The following SOX5 variants were observed in gnomAD, a reference collection of about 807,000 sequenced individuals.
The protein encoded by SOX5 is SRY-box transcription factor 5, also known as transcription factor SOX-5.
In SOX5, 9 loss-of-function variants were observed where a neutral mutation model predicts 92.0. That is an observed-to-expected ratio of 0.10 (90% CI 0.06 to 0.17). The LOEUF is 0.17. Among genes scored for constraint, SOX5 ranks in the 10% least tolerant of loss-of-function variants. SOX5 has a pLI of 1.00. For synonymous variants in SOX5, 344 were observed against 336.3 expected, an observed-to-expected ratio of 1.02 and a Z score of -0.25; for missense variants, 642 against 944.5, an observed-to-expected ratio of 0.68 and a Z score of 4.20.
chr12:23,640,662 A>C lies in SOX5; in HGVS notation c.1017+150T>G, dbSNP rs989671817. On this transcript the variant is annotated intron_variant, in intron 8 of 14. Coordinates refer to ENST00000451604, the MANE Select transcript of SOX5 (RefSeq NM_006940.6). Reference sequence around the variant, plus strand: ...TAAAAATTAAGAGAATCAACATTTCAACTTGTGGTTGAGGATCATTACAAA... The same window carrying C: ...TAAAAATTAAGAGAATCAACATTTCCACTTGTGGTTGAGGATCATTACAAA... 8 of 651,616 alleles carry C rather than the reference A, an allele frequency of 1.2e-5. No individual in the cohort carries two copies. In the Admixed American group the frequency reaches 1.4e-4, roughly 12 times the overall value. 40.4% of individuals were successfully genotyped at this position (651,616 alleles called of 1,614,324 possible).
intron 4 of SOX5, among the ~76,000 whole-genome samples, chr12:23,964,655 ATAAG>A (rs1947334488): frequency 6.6e-6 from 1 of 152,228 alleles, no homozygotes; most frequent in South Asian, 2.1e-4. Context: ...TTCTATTTAT[ATAAG>A]TAATATATGA....
At position 23,883,147 on chromosome 12, in the gene SOX5, C is replaced by G. The variant is rs1391647271; in HGVS notation, c.270+12646G>C. The stretch of plus-strand genomic sequence containing the variant: ...GGTGAGCTGAGATCGCGCCACTGCA[C>G]TCCAGCCTGGGCGAGAGTGCGAGAC... On this transcript the variant is annotated intron_variant, in intron 2 of 14. Transcript: ENST00000451604. 2.0e-5 allele frequency among the ~76,000 whole-genome samples: 3 copies of G among 151,492 alleles called. No homozygotes were observed. The East Asian group carries it at 5.8e-4, about 29-fold the overall frequency.
intron 4 of SOX5, among the ~76,000 whole-genome samples, chr12:24,021,434 T>C (rs1432691774): frequency 6.6e-6 from 1 of 152,138 alleles, no homozygotes; most frequent in Non-Finnish European, 1.5e-5. Flanking sequence ...GGTTTGAAGA[T>C]GTGACGACTT....
intron 8 of SOX5, among the ~76,000 whole-genome samples, chr12:23,621,607 A>AG (rs1253670358): frequency 2.6e-5 from 4 of 152,194 alleles, no homozygotes; most frequent in African/African-American, 7.2e-5. Context: ...ACAGGTGCAA[A>AG]GGGGGGAAGA....
chr12:24,287,040 T>C (rs970605358), intron 2 of SOX5, among the ~76,000 whole-genome samples: 3 of 152,184 alleles, frequency 2.0e-5, no homozygotes, highest in African/African-American at 7.2e-5. Flanking sequence ...CATGTAGCTT[T>C]AAGACCCATC....
chr12:24,180,925 TA>T (rs1238374595), intron 4 of SOX5, among the ~76,000 whole-genome samples: 1 of 152,238 alleles, frequency 6.6e-6, no homozygotes, highest in Non-Finnish European at 1.5e-5. Flanking sequence ...TGTGAATTTG[TA>T]GTTGAATTCG....
chr12:23,987,374 G>A (rs961142718), intron 4 of SOX5, among the ~76,000 whole-genome samples: 2 of 152,174 alleles, frequency 1.3e-5, no homozygotes, highest in Non-Finnish European at 2.9e-5. Context: ...TCCCAGTGGG[G>A]CCACTAATGG....
chr12:24,509,256 T>C (rs1208552463), intron 1 of SOX5, among the ~76,000 whole-genome samples: 1 of 152,250 alleles, frequency 6.6e-6, no homozygotes, highest in Non-Finnish European at 1.5e-5. Context: ...TTTAAAGTGT[T>C]CCGAAGATAG....
At chr12:24,376,949 G>A (rs935483237) in intron 1 of SOX5, among the ~76,000 whole-genome samples, 3 of 151,012 alleles carry the variant, frequency 2.0e-5, no homozygotes, top group African/African-American at 4.9e-5. Flanking sequence ...GGCCTCAAGC[G>A]ATCCTCCCAC....
intron 3 of SOX5, among the ~76,000 whole-genome samples, chr12:24,245,264 T>C (rs1938444427): frequency 6.6e-6 from 1 of 151,806 alleles, no homozygotes; most frequent in Admixed American, 6.6e-5. Context: ...TGTGTGTGTG[T>C]GTGTGTGTGT....
intron 4 of SOX5, among the ~76,000 whole-genome samples, chr12:24,027,213 A>G (rs980094580): frequency 3.3e-5 from 5 of 151,874 alleles, no homozygotes; most frequent in Non-Finnish European, 7.4e-5. Context: ...TGAACTCCTC[A>G]TGACTCACCC....
At chr12:23,638,695 T>C (rs1288652824) in intron 8 of SOX5, among the ~76,000 whole-genome samples, 1 of 152,082 alleles carries the variant, frequency 6.6e-6, no homozygotes, top group Non-Finnish European at 1.5e-5. Context: ...AGATATCCTG[T>C]GTAGCTCTGG....
chr12:23,871,966 TA>T (rs968857021), intron 2 of SOX5, among the ~76,000 whole-genome samples: 8 of 151,574 alleles, frequency 5.3e-5, no homozygotes, highest in African/African-American at 1.7e-4. Flanking sequence ...AAGCTCCATT[TA>T]ACACAAGCAT....
chr12:24,230,826 T>G (rs1014741830), intron 3 of SOX5, among the ~76,000 whole-genome samples: 5 of 152,210 alleles, frequency 3.3e-5, no homozygotes, highest in Non-Finnish European at 7.3e-5. Flanking sequence ...GTAACTTTCA[T>G]ATAAATGTAC....
chr12:23,744,993 A>G (rs1387356851), intron 4 of SOX5, among the ~76,000 whole-genome samples: 1 of 152,144 alleles, frequency 6.6e-6, no homozygotes. Flanking sequence ...TCTTATAAAG[A>G]TACCAGTCAT....
At chr12:24,401,708 TAAAAAAAAA>T (rs71063321) in intron 1 of SOX5, among the ~76,000 whole-genome samples, 22,127 of 99,384 alleles carry the variant, frequency 0.22, 2,472 homozygotes, top group African/African-American at 0.4. Flanking sequence ...ACCCTATCTT[TAAAAAAAAA>T]AAAAAAAAAA....
intron 8 of SOX5, among the ~76,000 whole-genome samples, chr12:23,606,487 G>A (rs1418255968): frequency 6.6e-6 from 1 of 151,584 alleles, no homozygotes; most frequent in Non-Finnish European, 1.5e-5. Context: ...TAAAGAAAAT[G>A]TGAACAAAAC....
chr12:24,056,879 G>A (rs1958169427), intron 4 of SOX5, among the ~76,000 whole-genome samples: 1 of 144,416 alleles, frequency 6.9e-6, no homozygotes, highest in South Asian at 2.3e-4. Context: ...GAAGGCTGAG[G>A]CAGGAGAATG....
At chr12:24,250,730 T>A (rs746973975) in intron 3 of SOX5, among the ~76,000 whole-genome samples, 2 of 152,188 alleles carry the variant, frequency 1.3e-5, no homozygotes, top group Non-Finnish European at 2.9e-5. Context: ...CAAAGTAAGT[T>A]CATTAAGAAA....
Sources: gnomAD v4.1 joint callset for allele counts (sites outside exome capture counted in the v4.1 genomes callset) on GRCh38, gnomAD v4.1.1 for gene constraint, MANE v1.5 for transcripts, NCBI Gene and HGNC (gene_info 2026-07-23, HGNC 2026-07-21) for gene names.